CCSER1: variants seen among roughly 807,000 people sequenced by gnomAD.
CCSER1 encodes serine-rich coiled-coil domain-containing protein 1.
Under a neutral mutation model 82.0 loss-of-function variants are expected in CCSER1, and 41 were observed. That is an observed-to-expected ratio of 0.50 (90% CI 0.39 to 0.65). CCSER1 has a LOEUF of 0.65. Ranked by LOEUF, CCSER1 falls within the 30% of genes least tolerant of loss-of-function variation. The pLI is 0.00. For synonymous variants in CCSER1, 414 were observed against 383.9 expected (o/e 1.08, Z -0.92); for missense variants, 1,119 against 1,064.2 (o/e 1.05, Z -0.72).
chr4:91,358,704 C>T (rs113830037), intron 10 of CCSER1, among the ~76,000 whole-genome samples: 48,982 of 152,024 alleles, frequency 0.32, 8,733 homozygotes, highest in African/African-American at 0.46. Flanking sequence ...TTCAGATGTC[C>T]GGACTCCAAG....
At chr4:91,465,957 T>C (rs753304644) in intron 10 of CCSER1, among the ~76,000 whole-genome samples, 2 of 152,168 alleles carry the variant, frequency 1.3e-5, no homozygotes, top group Non-Finnish European at 2.9e-5. Flanking sequence ...TTTCTGAAAC[T>C]ATTCCAATCC....
chr4:90,847,770 T>C (rs1763391602), intron 8 of CCSER1, among the ~76,000 whole-genome samples: 1 of 152,184 alleles, frequency 6.6e-6, no homozygotes, highest in South Asian at 2.1e-4. Flanking sequence ...CATTCAGTGT[T>C]TCCATGGATC....
chr4:91,506,495 T>C (rs1759495960), intron 10 of CCSER1, among the ~76,000 whole-genome samples: 1 of 152,146 alleles, frequency 6.6e-6, no homozygotes, highest in Non-Finnish European at 1.5e-5. Context: ...AGAATGTCAA[T>C]GGCAGTTTGA....
chr4:90,450,042 A>G (rs1211490573), intron 4 of CCSER1, among the ~76,000 whole-genome samples: 2 of 152,192 alleles, frequency 1.3e-5, no homozygotes, highest in African/African-American at 4.8e-5. Flanking sequence ...GAAGAGGTAC[A>G]TCTAACTGCT....
intron 8 of CCSER1, among the ~76,000 whole-genome samples, chr4:90,845,968 T>A (rs1361702093): frequency 6.6e-6 from 1 of 152,188 alleles, no homozygotes; most frequent in East Asian, 1.9e-4. Flanking sequence ...TTTATAGATT[T>A]TTTTTATGAG....
chr4:91,267,225 C>A (rs1253379385), intron 10 of CCSER1, among the ~76,000 whole-genome samples: 1 of 152,074 alleles, frequency 6.6e-6, no homozygotes, highest in Non-Finnish European at 1.5e-5. Flanking sequence ...ATGGATATTT[C>A]TATATGTCAG....
chr4:90,917,870 A>G (rs1328936800), intron 8 of CCSER1, among the ~76,000 whole-genome samples: 7 of 152,060 alleles, frequency 4.6e-5, no homozygotes, highest in Non-Finnish European at 1.0e-4. Context: ...TTTCAATTTG[A>G]AAAGTTAGCT....
At chr4:90,387,994 T>A (rs1278878417) in intron 3 of CCSER1, among the ~76,000 whole-genome samples, 12 of 152,342 alleles carry the variant, frequency 7.9e-5, no homozygotes, top group Middle Eastern at 3.4e-3. Context: ...TTTTGAGGAC[T>A]GTGCTCTCAG....
intron 10 of CCSER1, among the ~76,000 whole-genome samples, chr4:91,352,043 G>T (rs892453377): frequency 1.3e-5 from 2 of 152,124 alleles, no homozygotes; most frequent in African/African-American, 2.4e-5. Flanking sequence ...ATTGTAAATT[G>T]CTGAGAATTG....
At chr4:90,968,135 GA>G in intron 9 of CCSER1, among the ~76,000 whole-genome samples, 1 of 151,834 alleles carries the variant, frequency 6.6e-6, no homozygotes, top group Admixed American at 6.6e-5. Flanking sequence ...AGATATTTAA[GA>G]GTAGAAAAAA....
At chr4:91,136,996 A>G (rs1728531179) in intron 10 of CCSER1, among the ~76,000 whole-genome samples, 1 of 134,428 alleles carries the variant, frequency 7.4e-6, no homozygotes. Context: ...TGATTATAGA[A>G]ATGTTTATAA....
chr4:91,232,051 C>A (rs1447692846), intron 10 of CCSER1, among the ~76,000 whole-genome samples: 1 of 151,808 alleles, frequency 6.6e-6, no homozygotes, highest in African/African-American at 2.4e-5. Flanking sequence ...AGAAATAGCA[C>A]TTTAGTTCAG....
intron 5 of CCSER1, among the ~76,000 whole-genome samples, chr4:90,569,433 A>T (rs904359700): frequency 6.6e-6 from 1 of 152,184 alleles, no homozygotes; most frequent in African/African-American, 2.4e-5. Context: ...AGACACCATG[A>T]TCAAAAAGAG....
At chr4:90,756,800 T>G (rs578160610) in intron 7 of CCSER1, among the ~76,000 whole-genome samples, 117 of 152,304 alleles carry the variant, frequency 7.7e-4, no homozygotes, top group African/African-American at 2.5e-3. Context: ...GCCTTGCATA[T>G]TTTAGATTTT....
intron 5 of CCSER1, among the ~76,000 whole-genome samples, chr4:90,527,265 C>T (rs902239717): frequency 6.6e-5 from 10 of 151,956 alleles, no homozygotes; most frequent in Non-Finnish European, 2.9e-5. Context: ...AAAAACAACC[C>T]CATCAAAAAA....
intron 10 of CCSER1, among the ~76,000 whole-genome samples, chr4:91,551,656 A>AACACACACACACACAC (rs58159693): frequency 7.2e-6 from 1 of 139,434 alleles, no homozygotes; most frequent in Non-Finnish European, 1.5e-5. Flanking sequence ...GCAAAAAACA[A>AACACACACACACACAC]ACACACACAC....
In CCSER1 at chr4:90,972,382, A is replaced by G. The variant is rs1382796504; in HGVS notation, c.2172+48935A>G. ...TTTATACAATTTTTATACATTAACAATTAGATATCCAAAATGAAATTAAGA... is the reference window on the plus strand; with the variant it reads ...TTTATACAATTTTTATACATTAACAGTTAGATATCCAAAATGAAATTAAGA... On this transcript the variant is annotated intron_variant, in intron 9 of 10. Transcript: ENST00000509176. Among the ~76,000 whole-genome samples the G allele has an allele frequency of 2.0e-5, 3 of 151,826 alleles. 1 individual carries two copies. The highest frequency in any genetic ancestry group is 1.9e-4 in the East Asian group (1 of 5,184).
At chr4:90,409,544 A>G (rs1472614553) in intron 4 of CCSER1, among the ~76,000 whole-genome samples, 1 of 152,210 alleles carries the variant, frequency 6.6e-6, no homozygotes, top group African/African-American at 2.4e-5. Context: ...TTCATAAGTG[A>G]AGGAGAAATA....
chr4:91,578,107 A>T (rs1763535731), intron 10 of CCSER1, among the ~76,000 whole-genome samples: 1 of 152,102 alleles, frequency 6.6e-6, no homozygotes, highest in African/African-American at 2.4e-5. Context: ...TCTTGGGAGC[A>T]TTGGGAACTA....
Sources: allele counts gnomAD v4.1 joint callset (sites outside exome capture counted in the v4.1 genomes callset), GRCh38; gene constraint gnomAD v4.1.1; transcripts MANE v1.5; gene names NCBI Gene and HGNC (gene_info 2026-07-23, HGNC 2026-07-21).